The following PDE4B variants were observed in gnomAD, a reference collection of about 807,000 sequenced individuals.
PDE4B encodes 3',5'-cyclic-AMP phosphodiesterase 4B.
Under a neutral mutation model 82.2 loss-of-function variants are expected in PDE4B, and 20 were observed. The ratio of observed to expected loss-of-function variants is 0.24; its 90% CI spans 0.17 to 0.35. The LOEUF (loss-of-function observed/expected upper bound fraction) is 0.35. Among genes scored for constraint, PDE4B ranks in the 10% least tolerant of loss-of-function variants. PDE4B has a pLI of 1.00. For synonymous variants in PDE4B, 320 were observed against 318.9 expected (o/e 1.00, Z -0.04); for missense variants, 655 against 907.2 (o/e 0.72, Z 3.57).
intron 7 of PDE4B, among the ~76,000 whole-genome samples, chr1:66,318,714 C>T (rs1456956489): frequency 3.3e-5 from 5 of 152,158 alleles, no homozygotes; most frequent in African/African-American, 9.7e-5. Context: ...ATTTTATTAA[C>T]ATATTTTACT....
chr1:66,201,376 G>A (rs1282799275), intron 3 of PDE4B, among the ~76,000 whole-genome samples: 2 of 151,700 alleles, frequency 1.3e-5, no homozygotes, highest in Non-Finnish European at 1.5e-5. Flanking sequence ...GAGTTAGGGA[G>A]GATTCCCTCT....
chr1:65,872,453 A>G (rs1646584458), intron 1 of PDE4B, among the ~76,000 whole-genome samples: 1 of 152,160 alleles, frequency 6.6e-6, no homozygotes, highest in Non-Finnish European at 1.5e-5. Context: ...AACAGGAAGT[A>G]ATCAGATTAC....
intron 3 of PDE4B, among the ~76,000 whole-genome samples, chr1:65,937,579 A>C (rs982409655): frequency 6.6e-6 from 1 of 152,202 alleles, no homozygotes; most frequent in African/African-American, 2.4e-5. Context: ...TTCAGCTCTC[A>C]TCAGGCTTCA....
intron 3 of PDE4B, among the ~76,000 whole-genome samples, chr1:66,177,577 A>G (rs141344059): frequency 1.5e-3 from 231 of 152,340 alleles, no homozygotes; most frequent in African/African-American, 5.3e-3. Flanking sequence ...TGTAAACTTT[A>G]TTCTGACAGC....
chr1:66,086,197 T>A (rs1656999618), intron 3 of PDE4B, among the ~76,000 whole-genome samples: 1 of 152,138 alleles, frequency 6.6e-6, no homozygotes, highest in Non-Finnish European at 1.5e-5. Flanking sequence ...TTATAGCATG[T>A]TTTATTAAAA....
chr1:66,183,027 G>C (rs1647103453), intron 3 of PDE4B, among the ~76,000 whole-genome samples: 2 of 152,178 alleles, frequency 1.3e-5, no homozygotes, highest in Admixed American at 1.3e-4. Flanking sequence ...TATCCAGCTT[G>C]TCTTTAAAGT....
chr1:66,150,121 CT>C (rs974797965), intron 3 of PDE4B, among the ~76,000 whole-genome samples: 9 of 152,096 alleles, frequency 5.9e-5, no homozygotes, highest in Non-Finnish European at 1.2e-4. Flanking sequence ...TATGTATATC[CT>C]TATGCTAGTA....
intron 3 of PDE4B, among the ~76,000 whole-genome samples, chr1:66,000,332 G>A (rs555179945): frequency 1.3e-5 from 2 of 152,258 alleles, no homozygotes; most frequent in Admixed American, 1.3e-4. Flanking sequence ...TTCCACTGAT[G>A]CAACATTTAC....
Position 66,168,626 on chromosome 1 carries a change from C to T in PDE4B, c.282-78834C>T, listed in dbSNP as rs764790021. On this transcript the variant is annotated intron_variant, in intron 3 of 16. Coordinates refer to ENST00000341517, the MANE Select transcript of PDE4B (RefSeq NM_002600.4). ...GGACCGTACCTACCGTCTTGGAGAC[C>T]GTTGTAAGAACTTTGGCTGTCATTG... 1.3e-4 allele frequency among the ~76,000 whole-genome samples: 20 copies of T among 152,210 alleles called. 1 individual carries two copies. The highest frequency in any genetic ancestry group is 6.8e-3 in the Middle Eastern group (2 of 294).
intron 2 of PDE4B, among the ~76,000 whole-genome samples, chr1:65,916,751 C>A (rs1025040164): frequency 6.6e-6 from 1 of 151,908 alleles, no homozygotes; most frequent in Non-Finnish European, 1.5e-5. Flanking sequence ...CATAGACACA[C>A]ACACACATGC....
intron 7 of PDE4B, among the ~76,000 whole-genome samples, chr1:66,287,173 A>G (rs1384545910): frequency 2.0e-5 from 3 of 152,190 alleles, no homozygotes; most frequent in Non-Finnish European, 4.4e-5. Flanking sequence ...TTCTCAGTGA[A>G]GACTTTCAGA....
Position 66,265,757 on chromosome 1 carries a change from A to T in PDE4B, c.585-281A>T, listed in dbSNP as rs140942469. Among the ~76,000 whole-genome samples the T allele has an allele frequency of 3.0e-4, 46 of 152,292 alleles. No individual in the cohort carries two copies. The East Asian group carries it at 7.3e-3, about 24-fold the overall frequency. On this transcript the variant is annotated intron_variant, in intron 6 of 16. Coordinates refer to ENST00000341517, the MANE Select transcript of PDE4B (RefSeq NM_002600.4). ...AGGGCTTCTTGGAACAGCAAAACTTAAAACAGGGGGCTGGTTTGGGACCTG... is the reference window on the plus strand; with the variant it reads ...AGGGCTTCTTGGAACAGCAAAACTTTAAACAGGGGGCTGGTTTGGGACCTG...
At chr1:66,178,915 G>A (rs1020834072) in intron 3 of PDE4B, among the ~76,000 whole-genome samples, 1 of 152,068 alleles carries the variant, frequency 6.6e-6, no homozygotes, top group East Asian at 1.9e-4. Flanking sequence ...GCAATGGCGC[G>A]ATCTCGGCTC....
chr1:66,223,366 G>T (rs189505777), intron 3 of PDE4B, among the ~76,000 whole-genome samples: 3,842 of 152,218 alleles, frequency 0.025, 67 homozygotes, highest in Middle Eastern at 0.095. Context: ...CTGTATTTAG[G>T]TTGATTACTC....
intron 3 of PDE4B, among the ~76,000 whole-genome samples, chr1:66,084,189 G>A (rs141263686): frequency 7.6e-4 from 116 of 152,176 alleles, no homozygotes; most frequent in African/African-American, 2.5e-3. Flanking sequence ...ATAAAAGTGG[G>A]GACAAAGTTG....
At position 66,368,172 on chromosome 1, in the gene PDE4B, C is replaced by T. The variant is rs569448256; in HGVS notation, c.1662+107C>T. On this transcript the variant is annotated intron_variant, in intron 15 of 16. Transcript: ENST00000341517. The stretch of plus-strand genomic sequence containing the variant: ...AATTCAGTTATTGGTATATCCTAGG[C>T]TACTCCTATAGCTTAGGGCTTATTT... The T allele has an allele frequency of 1.5e-5, 17 of 1,140,842 alleles. No homozygotes were observed. The South Asian group carries it at 2.4e-4, about 16-fold the overall frequency. 70.7% of individuals were successfully genotyped at this position (1,140,842 alleles called of 1,614,324 possible).
At chr1:66,273,042 A>G (rs903675555) in intron 7 of PDE4B, among the ~76,000 whole-genome samples, 16 of 152,086 alleles carry the variant, frequency 1.1e-4, no homozygotes, top group Admixed American at 9.8e-4. Flanking sequence ...CGCCCACCTC[A>G]GCCTCCCAAA....
At chr1:66,146,801 C>G (rs1328806603) in intron 3 of PDE4B, among the ~76,000 whole-genome samples, 1 of 152,150 alleles carries the variant, frequency 6.6e-6, no homozygotes, top group African/African-American at 2.4e-5. Context: ...AGACACAAAT[C>G]CTATTTTAAA....
intron 3 of PDE4B, among the ~76,000 whole-genome samples, chr1:66,015,443 C>T (rs183724788): frequency 1.3e-4 from 20 of 152,186 alleles, no homozygotes; most frequent in African/African-American, 4.6e-4. Flanking sequence ...CTGAACTGAG[C>T]TGGAGTACAC....
Sources: allele counts gnomAD v4.1 joint callset (sites outside exome capture counted in the v4.1 genomes callset), GRCh38; gene constraint gnomAD v4.1.1; transcripts MANE v1.5; gene names NCBI Gene and HGNC (gene_info 2026-07-23, HGNC 2026-07-21).